The following EXOC4 variants were observed in gnomAD, a reference collection of about 807,000 sequenced individuals.
EXOC4 encodes SEC8-like 1.
EXOC4 carries 71 observed loss-of-function variants against 107.2 expected under a neutral mutation model. The ratio of observed to expected loss-of-function variants is 0.66; its 90% CI spans 0.55 to 0.81. EXOC4 has a LOEUF of 0.81. EXOC4 is among the 30% of genes least tolerant of loss of function. The pLI, the probability that EXOC4 is intolerant of heterozygous loss-of-function variation, is 0.00. For synonymous variants in EXOC4, 456 were observed against 441.2 expected (o/e 1.03, Z -0.42); for missense variants, 1,108 against 1,189.6 (o/e 0.93, Z 1.01).
intron 10 of EXOC4, among the ~76,000 whole-genome samples, chr7:133,802,842 G>C (rs1471489026): frequency 1.5e-5 from 1 of 67,050 alleles, no homozygotes; most frequent in African/African-American, 6.1e-5. Context: ...GCGAAACTCT[G>C]TCTCCACAAA....
chr7:133,630,487 T>C (rs201443384), intron 10 of EXOC4, among the ~76,000 whole-genome samples: 1 of 152,142 alleles, frequency 6.6e-6, no homozygotes, highest in East Asian at 1.9e-4. Context: ...CACACGTATT[T>C]TTAAATACAT....
rs140085281 is a variant in EXOC4, at chr7:133,819,977, T to C, written c.1734+2433T>C. On this transcript the variant is annotated intron_variant, in intron 11 of 17. Coordinates refer to ENST00000253861, the MANE Select transcript of EXOC4 (RefSeq NM_021807.4). ...CCTCATCACCGCCATTTTGTACATGTTACTGTGCCTCTTGTCCTTTAAGTC... is the reference window on the plus strand; with the variant it reads ...CCTCATCACCGCCATTTTGTACATGCTACTGTGCCTCTTGTCCTTTAAGTC... Among the ~76,000 whole-genome samples, 58 of 152,286 alleles carry C rather than the reference T, an allele frequency of 3.8e-4. 1 individual carries two copies. The East Asian group carries it at 0.011, about 28-fold the overall frequency.
intron 9 of EXOC4, among the ~76,000 whole-genome samples, chr7:133,544,107 A>T (rs1226308646): frequency 6.6e-6 from 1 of 152,126 alleles, no homozygotes; most frequent in Non-Finnish European, 1.5e-5. Context: ...CATTGGGAAA[A>T]TTCAAGTATT....
At chr7:133,806,453 A>G (rs974746314) in intron 10 of EXOC4, among the ~76,000 whole-genome samples, 5 of 152,252 alleles carry the variant, frequency 3.3e-5, no homozygotes, top group African/African-American at 7.2e-5. Flanking sequence ...GCAAGAAGTC[A>G]GGGCTGGAGA....
intron 14 of EXOC4, among the ~76,000 whole-genome samples, chr7:133,940,840 G>C (rs1800409266): frequency 6.6e-6 from 1 of 151,638 alleles, no homozygotes; most frequent in Non-Finnish European, 1.5e-5. Flanking sequence ...CAAGTCTGGA[G>C]ACTAGAGAAC....
At chr7:133,723,610 C>A (rs567557124) in intron 10 of EXOC4, among the ~76,000 whole-genome samples, 1 of 152,244 alleles carries the variant, frequency 6.6e-6, no homozygotes, top group South Asian at 2.1e-4. Flanking sequence ...GTGCCTCAGC[C>A]TCCCAAGTAG....
intron 10 of EXOC4, among the ~76,000 whole-genome samples, chr7:133,720,301 A>G (rs537906445): frequency 3.9e-5 from 6 of 152,348 alleles, no homozygotes; most frequent in Admixed American, 3.3e-4. Flanking sequence ...AATACATAAT[A>G]GGTTAAAATA....
At chr7:133,517,455 G>A (rs553834241) in intron 9 of EXOC4, among the ~76,000 whole-genome samples, 8 of 152,188 alleles carry the variant, frequency 5.3e-5, no homozygotes, top group East Asian at 1.9e-4. Flanking sequence ...TTTTCATGCC[G>A]CTGATAAAGG....
intron 14 of EXOC4, among the ~76,000 whole-genome samples, chr7:133,952,528 T>A (rs1219049863): frequency 6.6e-6 from 1 of 152,228 alleles, no homozygotes; most frequent in Non-Finnish European, 1.5e-5. Flanking sequence ...TTTTTAAATG[T>A]CCAGTTTGGT....
intron 6 of EXOC4, among the ~76,000 whole-genome samples, chr7:133,364,368 C>T (rs549626751): frequency 1.0e-3 from 155 of 151,580 alleles, no homozygotes; most frequent in Non-Finnish European, 1.7e-3. Flanking sequence ...CTTGAACTCC[C>T]GGTCTCAAGA....
intron 10 of EXOC4, among the ~76,000 whole-genome samples, chr7:133,723,517 G>A (rs1795151558): frequency 6.8e-6 from 1 of 147,252 alleles, no homozygotes; most frequent in African/African-American, 2.5e-5. Flanking sequence ...TTGGGACAAA[G>A]TCTCACTCTG....
intron 9 of EXOC4, among the ~76,000 whole-genome samples, chr7:133,539,185 CAG>C (rs1460722035): frequency 1.3e-5 from 2 of 152,170 alleles, no homozygotes; most frequent in African/African-American, 2.4e-5. Context: ...GAGAGTGAGA[CAG>C]AGGGCAGTGA....
the EXOC4 span, among the ~76,000 whole-genome samples, chr7:134,093,010 A>G: frequency 6.6e-6 from 1 of 152,116 alleles, no homozygotes; most frequent in Admixed American, 6.6e-5. Flanking sequence ...CTATGACTGT[A>G]TGGAGCAAAA....
Position 133,347,266 on chromosome 7 carries a change from CAG to C in EXOC4, c.764-9061_764-9060del, listed in dbSNP as rs1190899086. Among the ~76,000 whole-genome samples, 5 of 138,864 alleles carry C rather than the reference CAG, an allele frequency of 3.6e-5. No homozygotes were observed. In the South Asian group the frequency reaches 6.7e-4, roughly 19 times the overall value. 91.1% of individuals were successfully genotyped at this position (138,864 alleles called of 152,430 possible). ...ATACTTTTTTTTTTTTTTTGTGAGG[CAG>C]AGTTTTGCTCTCTTGCCCAGGCTAG... On this transcript the variant is annotated intron_variant, in intron 5 of 17. Transcript: ENST00000253861.
chr7:133,331,267 G>A (rs1013466673), intron 5 of EXOC4, among the ~76,000 whole-genome samples: 58 of 152,038 alleles, frequency 3.8e-4, no homozygotes, highest in African/African-American at 1.4e-3. Context: ...GTCCCTGTCC[G>A]TGGAAAAATT....
Position 133,317,397 on chromosome 7 carries a change from A to G in EXOC4, c.763+7A>G, listed in dbSNP as rs752096670. On this transcript the variant is annotated splice_region_variant and intron_variant, in intron 5 of 17. Coordinates refer to ENST00000253861, the MANE Select transcript of EXOC4 (RefSeq NM_021807.4). ...ACTGCTGGAAGCTCAAGTGGTAAGT[A>G]TTTAATTCTTCAGCCACTAAGCTTT... 6.4e-6 allele frequency: 10 copies of G among 1,563,928 alleles called. No homozygotes were observed. In the South Asian group the frequency reaches 1.1e-4, roughly 17 times the overall value.
At chr7:133,960,481 CT>C (rs963526246) in intron 14 of EXOC4, among the ~76,000 whole-genome samples, 28 of 151,870 alleles carry the variant, frequency 1.8e-4, no homozygotes, top group African/African-American at 6.0e-4. Context: ...TGGTCTTGGA[CT>C]TTTTTTTGTT....
intron 9 of EXOC4, among the ~76,000 whole-genome samples, chr7:133,610,669 C>T (rs762489130): frequency 5.3e-5 from 8 of 152,088 alleles, no homozygotes. Context: ...ACCTGCTTTC[C>T]TCTGAGGATT....
chr7:133,941,289 G>A (rs1252677510), intron 14 of EXOC4, among the ~76,000 whole-genome samples: 1 of 151,998 alleles, frequency 6.6e-6, no homozygotes, highest in African/African-American at 2.4e-5. Flanking sequence ...GAGCCACTGC[G>A]CCTGGCCGAA....
Sources: gnomAD v4.1 joint callset for allele counts (sites outside exome capture counted in the v4.1 genomes callset) on GRCh38, gnomAD v4.1.1 for gene constraint, MANE v1.5 for transcripts, NCBI Gene and HGNC (gene_info 2026-07-23, HGNC 2026-07-21) for gene names.